Variants in HADHB observed in about 807,000 individuals in gnomAD.
HADHB encodes the protein trifunctional enzyme subunit beta, mitochondrial.
Under a neutral mutation model 61.9 loss-of-function variants are expected in HADHB, and 50 were observed. That is an observed-to-expected ratio of 0.81 (90% CI 0.64 to 1.02). The LOEUF (loss-of-function observed/expected upper bound fraction) is 1.02. Ranked by LOEUF, HADHB falls within the 50% of genes least tolerant of loss-of-function variation. HADHB has a pLI of 0.00. For synonymous variants in HADHB, 191 were observed against 201.6 expected, an observed-to-expected ratio of 0.95 and a Z score of 0.45; for missense variants, 504 against 586.5, an observed-to-expected ratio of 0.86 and a Z score of 1.45.
In HADHB at chr2:26,263,424, A is replaced by T. The variant is rs755967503; in HGVS notation, c.154A>T (p.Arg52Trp). 4 of 1,613,530 alleles carry T rather than the reference A, an allele frequency of 2.5e-6. No individual in the cohort carries two copies. The highest frequency in any genetic ancestry group is 3.4e-6 in the Non-Finnish European group (4 of 1,179,574). ...GAAGACGTTAGCCAAACCCAATATA[A>T]GGAATGTTGTGGTGGTGGATGGTGT... Reference protein sequence around the residue: ...TKKTLAKPNIRNVVVVDGVRT... With the variant: ...TKKTLAKPNIWNVVVVDGVRT... The change falls in exon 4 of 16, where the codon AGG becomes TGG. Residue 52 changes from arginine to tryptophan, a missense_variant. Physicochemically the swap from Arg to Trp is moderately radical, Grantham distance 101. Coordinates refer to ENST00000317799, the MANE Select transcript of HADHB (RefSeq NM_000183.3).
intron 1 of HADHB, among the ~76,000 whole-genome samples, chr2:26,250,249 C>T (rs1460649539): frequency 1.3e-5 from 2 of 152,178 alleles, no homozygotes; most frequent in African/African-American, 4.8e-5. Flanking sequence ...GGTGATCCAC[C>T]TGCCTGGGCG....
chr2:26,256,467 CTGA>C (rs1574644111), intron 3 of HADHB, among the ~76,000 whole-genome samples: 1 of 151,964 alleles, frequency 6.6e-6, no homozygotes, highest in Non-Finnish European at 1.5e-5. Context: ...ATGTAAGTGT[CTGA>C]TGGAAATTTT....
chr2:26,251,620 G>A lies in HADHB; in HGVS notation c.-8-2627G>A, dbSNP rs562344247. Among the ~76,000 whole-genome samples, 17 of 152,262 alleles carry A rather than the reference G, an allele frequency of 1.1e-4. No homozygotes were observed. In the South Asian group the frequency reaches 1.7e-3, roughly 15 times the overall value. On this transcript the variant is annotated intron_variant, in intron 1 of 15. Transcript: ENST00000317799. ...TTGTAGCCCAGACCCTTGTGGCATTGTAAGTAGCTTCTGAGTGGTGCCTCT... is the reference window on the plus strand; with the variant it reads ...TTGTAGCCCAGACCCTTGTGGCATTATAAGTAGCTTCTGAGTGGTGCCTCT...
At chr2:26,269,652 G>A (rs560036636) in intron 4 of HADHB, among the ~76,000 whole-genome samples, 7 of 152,322 alleles carry the variant, frequency 4.6e-5, no homozygotes, top group African/African-American at 1.7e-4. Context: ...AGACCTCAAA[G>A]GTGGGGCTTC....
At position 26,245,923 on chromosome 2, in the gene HADHB, C is replaced by T. The variant is rs115724030; in HGVS notation, c.-9+933C>T. On this transcript the variant is annotated intron_variant, in intron 1 of 15. Coordinates refer to ENST00000317799, the MANE Select transcript of HADHB (RefSeq NM_000183.3). ...GTCTGTGACAGACCTAGCATTCAGACATAAGTCTGAGTCTCACTACTCGCC... is the reference window on the plus strand; with the variant it reads ...GTCTGTGACAGACCTAGCATTCAGATATAAGTCTGAGTCTCACTACTCGCC... Among the ~76,000 whole-genome samples, 849 of 152,258 alleles carry T rather than the reference C, an allele frequency of 5.6e-3. 5 individuals are homozygous for T. The highest frequency in any genetic ancestry group is 0.02 in the African/African-American group (823 of 41,538).
In HADHB at chr2:26,277,233, C is replaced by CT. The variant is rs34696184; in HGVS notation, c.442+95dup. ...TCTTTTACTTGATTATAAAAATGTACTTTTTTTTTTTTTTTTTTTTTTAAC... is the reference window on the plus strand; with the variant it reads ...TCTTTTACTTGATTATAAAAATGTACTTTTTTTTTTTTTTTTTTTTTTTAAC... On this transcript the variant is annotated intron_variant, in intron 7 of 15. Transcript: ENST00000317799. 24,731 of 432,624 alleles carry CT rather than the reference C, an allele frequency of 0.057. 124 individuals carry two copies. Among genetic ancestry groups the CT allele is most frequent in the East Asian group, 0.082 (1,919 of 23,450 alleles). 26.8% of individuals were successfully genotyped at this position (432,624 alleles called of 1,614,324 possible).
chr2:26,271,008 A>G (rs1359009779), intron 5 of HADHB, among the ~76,000 whole-genome samples: 1 of 146,194 alleles, frequency 6.8e-6, no homozygotes, highest in Non-Finnish European at 1.5e-5. Context: ...CCTCCCGAGT[A>G]CCTGGGACTA....
chr2:26,283,508 A>C, intron 12 of HADHB, among the ~76,000 whole-genome samples: 1 of 152,196 alleles, frequency 6.6e-6, no homozygotes. Flanking sequence ...TGGGCGACAG[A>C]GCGAGACTCC....
At chr2:26,254,517 G>C in intron 3 of HADHB, 43 bp downstream of exon 3, 1 of 1,265,244 alleles carries the variant, frequency 7.9e-7, no homozygotes, top group Non-Finnish European at 1.2e-6. Flanking sequence ...TTAAATGTTA[G>C]ATTCCAGATT....
At position 26,279,175 on chromosome 2, in the gene HADHB, G is replaced by T; in HGVS notation, c.671G>T (p.Gly224Val). 6.2e-7 allele frequency: 1 copy of T among 1,614,008 alleles called. No homozygotes were observed. Among genetic ancestry groups the T allele is most frequent in the Non-Finnish European group, 8.5e-7 (1 of 1,179,916 alleles). The change falls in exon 9 of 16, where the codon GGC (glycine) becomes GTC (valine). Residue 224 changes from glycine to valine, a missense_variant. Physicochemically the swap from Gly to Val is moderately radical, Grantham distance 109. Coordinates refer to ENST00000317799, the MANE Select transcript of HADHB (RefSeq NM_000183.3). Reference protein sequence around the residue: ...VSEFSTSETMGHSADRLAAAF... With the variant: ...VSEFSTSETMVHSADRLAAAF... ...GAGTTCTCCACCAGTGAGACCATGGGCCACTCTGCAGACCGACTGGCCGCT... is the reference window on the plus strand; with the variant it reads ...GAGTTCTCCACCAGTGAGACCATGGTCCACTCTGCAGACCGACTGGCCGCT...
intron 3 of HADHB, among the ~76,000 whole-genome samples, chr2:26,258,304 T>A (rs533155158): frequency 6.6e-6 from 1 of 152,312 alleles, no homozygotes; most frequent in South Asian, 2.1e-4. Flanking sequence ...TTCTCTGACC[T>A]GAGGCTCTTG....
chr2:26,276,543 G>A (rs1648821356), intron 6 of HADHB, among the ~76,000 whole-genome samples: 1 of 152,184 alleles, frequency 6.6e-6, no homozygotes, highest in South Asian at 2.1e-4. Flanking sequence ...AGCAGACAGG[G>A]TCTTGAGTGG....
chr2:26,275,684 G>T (rs1158237584), intron 6 of HADHB, among the ~76,000 whole-genome samples: 1 of 152,200 alleles, frequency 6.6e-6, no homozygotes, highest in Non-Finnish European at 1.5e-5. Flanking sequence ...ATGCACAGGT[G>T]CCTGGCAGAA....
chr2:26,249,648 T>TAA lies in HADHB; in HGVS notation c.-8-4599_-8-4598insAA, dbSNP rs1671322221. Among the ~76,000 whole-genome samples the TAA allele has an allele frequency of 2.0e-5, 3 of 151,946 alleles. No homozygotes were observed. The South Asian group carries it at 6.2e-4, about 32-fold the overall frequency. On this transcript the variant is annotated intron_variant, in intron 1 of 15. Coordinates refer to ENST00000317799, the MANE Select transcript of HADHB (RefSeq NM_000183.3). Reference sequence around the variant, plus strand: ...CTCAGCTCCGTACTCTTCTGCTTGTTTGGTGTTAGCTCTATCTTAGCCTAG... The same window carrying TAA: ...CTCAGCTCCGTACTCTTCTGCTTGTTAATGGTGTTAGCTCTATCTTAGCCTAG...
At chr2:26,278,861 T>C (rs1276449522) in intron 8 of HADHB, 60 bp downstream of exon 8, 1 of 1,346,510 alleles carries the variant, frequency 7.4e-7, no homozygotes, top group Non-Finnish European at 1.1e-6. Flanking sequence ...TATGGCAGTG[T>C]GGACTCTGCT....
chr2:26,248,667 A>G lies in HADHB; in HGVS notation c.-9+3677A>G, dbSNP rs576544164. ...TGGAAGTGCCTATTTAGTTAGATGC[A>G]TTCTTACTAGAATTATATATTAACC... On this transcript the variant is annotated intron_variant, in intron 1 of 15. Coordinates refer to ENST00000317799, the MANE Select transcript of HADHB (RefSeq NM_000183.3). Among the ~76,000 whole-genome samples the G allele has an allele frequency of 4.2e-4, 64 of 152,354 alleles. 1 individual carries two copies. The highest frequency in any genetic ancestry group is 8.5e-4 in the Non-Finnish European group (58 of 68,034).
At chr2:26,248,047 C>G (rs906643072) in intron 1 of HADHB, among the ~76,000 whole-genome samples, 8 of 152,104 alleles carry the variant, frequency 5.3e-5, no homozygotes, top group African/African-American at 1.9e-4. Flanking sequence ...CAGGGACTTT[C>G]TTTTCTCTTT....
intron 3 of HADHB, 97 bp downstream of exon 3, chr2:26,254,571 A>G (rs1410971804): frequency 4.9e-6 from 4 of 824,742 alleles, no homozygotes; most frequent in Non-Finnish European, 8.4e-6. Context: ...CTAATTTGCT[A>G]ATTCTCCCCT....
chr2:26,285,037 A>G (rs1474392312), intron 14 of HADHB, 80 bp downstream of exon 14: 4 of 794,458 alleles, frequency 5.0e-6, no homozygotes, highest in Non-Finnish European at 9.1e-6. Flanking sequence ...TCTTAAGAAT[A>G]TGAAGGGAAA....
Sources: gnomAD v4.1 joint callset for allele counts (sites outside exome capture counted in the v4.1 genomes callset) on GRCh38, gnomAD v4.1.1 for gene constraint, MANE v1.5 for transcripts, NCBI Gene and HGNC (gene_info 2026-07-23, HGNC 2026-07-21) for gene names.